Variants in AMBRA1 observed in about 807,000 individuals in gnomAD.
AMBRA1 encodes autophagy and beclin 1 regulator 1.
In AMBRA1, 47 loss-of-function variants were observed where a neutral mutation model predicts 125.4. The ratio of observed to expected loss-of-function variants is 0.37; its 90% CI spans 0.30 to 0.48. The LOEUF is 0.48. Ranked by LOEUF, AMBRA1 falls within the 20% of genes least tolerant of loss-of-function variation. AMBRA1 has a pLI of 0.99. For missense variants in AMBRA1, 1,331 were observed against 1,693.4 expected, an observed-to-expected ratio of 0.79 and a Z score of 3.76; for synonymous variants, 626 against 655.5, an observed-to-expected ratio of 0.95 and a Z score of 0.69.
chr11:46,594,016 G>A lies in AMBRA1; in HGVS notation c.-309C>T, dbSNP rs1221993095. 3 of 398,654 alleles carry A rather than the reference G, an allele frequency of 7.5e-6. No individual in the cohort carries two copies. The East Asian group carries it at 1.1e-4, about 14-fold the overall frequency. 24.7% of individuals were successfully genotyped at this position (398,654 alleles called of 1,614,324 possible). On this transcript the variant is annotated 5_prime_UTR_variant, in exon 1 of 18. Transcript: ENST00000683756. ...GCCGCCGCCGCTCAGGAGACATCAA[G>A]CAAGAAGACGGCGCAAAAGATCACC... is the stretch of plus-strand genomic sequence containing the variant.
chr11:46,498,648 T>C (rs1227195326), intron 9 of AMBRA1, among the ~76,000 whole-genome samples: 1 of 152,076 alleles, frequency 6.6e-6, no homozygotes, highest in African/African-American at 2.4e-5. Flanking sequence ...AGGCTGTAAT[T>C]TGAAGGAATG....
At chr11:46,433,083 T>A (rs927730873) in intron 14 of AMBRA1, among the ~76,000 whole-genome samples, 1 of 152,178 alleles carries the variant, frequency 6.6e-6, no homozygotes, top group Non-Finnish European at 1.5e-5. Flanking sequence ...AAAAAAAACA[T>A]TTCATGGCAT....
chr11:46,487,259 AAAAAT>A (rs761370550), intron 11 of AMBRA1, among the ~76,000 whole-genome samples: 27 of 152,116 alleles, frequency 1.8e-4, no homozygotes, highest in Non-Finnish European at 2.9e-4. Flanking sequence ...CCCCATCTCT[AAAAAT>A]AAAATAAAAA....
At position 46,474,036 on chromosome 11, in the gene AMBRA1, T is replaced by C. The variant is rs529820252; in HGVS notation, c.2521+19572A>G. On this transcript the variant is annotated intron_variant, in intron 11 of 17. Transcript: ENST00000683756. Reference sequence around the variant, plus strand: ...CTTAGTGTAGGACCTACCTAGCACATAGTAGCACTCAAGAAGTATATTCCA... The same window carrying C: ...CTTAGTGTAGGACCTACCTAGCACACAGTAGCACTCAAGAAGTATATTCCA... 2.6e-5 allele frequency among the ~76,000 whole-genome samples: 4 copies of C among 152,278 alleles called. No individual in the cohort carries two copies. The South Asian group carries it at 8.3e-4, about 32-fold the overall frequency.
Position 46,493,707 on chromosome 11 carries a change from G to A in AMBRA1, c.2422C>T (p.Arg808Cys). The A allele has an allele frequency of 2.5e-6, 4 of 1,587,212 alleles. No homozygotes were observed. The highest frequency in any genetic ancestry group is 3.4e-6 in the Non-Finnish European group (4 of 1,172,586). Residue 808 changes from arginine (R) to cysteine (C), a missense_variant and splice_region_variant, in exon 11 of 18, where the codon CGT becomes TGT. By Grantham distance (180) the Arg-to-Cys change is radical (BLOSUM62 -3). Transcript: ENST00000683756. ...GGCAAGTACTCAGGCAGCAAGAAAC[G>A]CCTACAAGAAGGAATCACATGTGAA... ...APSLGRFVPR[R>C]FLLPEYLPYA...
Position 46,547,823 on chromosome 11 carries a change from G to A in AMBRA1, c.188C>T (p.Pro63Leu). 6.2e-7 allele frequency: 1 copy of A among 1,611,218 alleles called. No individual in the cohort carries two copies. The highest frequency in any genetic ancestry group is 1.1e-5 in the South Asian group (1 of 90,632). ...ATAGATAAATACTGAGTACCTGTCT[G>A]GGCTGAAGGCCAATAAGAAGGTAGA... is the stretch of plus-strand genomic sequence containing the variant. Reference protein sequence around the residue: ...PRSTFLLAFSPDRTLLASTHV... With the variant: ...PRSTFLLAFSLDRTLLASTHV... The change falls in exon 3 of 18, where the codon CCA (proline) becomes CTA (leucine). Residue 63 changes from proline to leucine, a missense_variant. Physicochemically the swap from Pro to Leu is moderately conservative, Grantham distance 98. Transcript: ENST00000683756.
At chr11:46,588,689 C>T (rs2044487291) in intron 1 of AMBRA1, among the ~76,000 whole-genome samples, 1 of 150,910 alleles carries the variant, frequency 6.6e-6, no homozygotes, top group Non-Finnish European at 1.5e-5. Context: ...GCAGGAGAAT[C>T]GCTTGAACCC....
In AMBRA1 at chr11:46,543,102, A is replaced by G; in HGVS notation, c.915T>C (p.Leu305=). The G allele has an allele frequency of 6.3e-7, 1 of 1,584,524 alleles. No individual in the cohort carries two copies. Among genetic ancestry groups the G allele is most frequent in the South Asian group, 1.1e-5 (1 of 89,738 alleles). Residue 305 remains leucine (L), a synonymous_variant, in exon 7 of 18, where the codon CTT becomes CTC. Transcript: ENST00000683756. The part of the protein sequence containing the change: ...SYPTAECCQH[L]GILCLCSRCS... Reference sequence around the variant, plus strand: ...AGCGGCTGCAAAGGCACAGGATCCCAAGGTGCTGGCAGCACTCAGCTGTGG... The same window carrying G: ...AGCGGCTGCAAAGGCACAGGATCCCGAGGTGCTGGCAGCACTCAGCTGTGG...
chr11:46,559,298 CAA>C (rs35357993), intron 1 of AMBRA1, among the ~76,000 whole-genome samples: 1 of 141,208 alleles, frequency 7.1e-6, no homozygotes, highest in Admixed American at 7.1e-5. Context: ...GACCCTGTCT[CAA>C]AAAAAAAAAG....
chr11:46,575,503 TTTTC>T (rs2043927662), intron 1 of AMBRA1, among the ~76,000 whole-genome samples: 1 of 148,940 alleles, frequency 6.7e-6, no homozygotes, highest in Admixed American at 6.8e-5. Context: ...AAATTTGTTT[TTTTC>T]TTTCCTTTTT....
intron 12 of AMBRA1, 74 bp downstream of exon 12, chr11:46,443,414 C>T: frequency 8.5e-7 from 1 of 1,177,250 alleles, no homozygotes; most frequent in Non-Finnish European, 1.3e-6. Flanking sequence ...ACCCAGTGCT[C>T]CATGAATTTT....
At chr11:46,483,188 A>G (rs1950139525) in intron 11 of AMBRA1, among the ~76,000 whole-genome samples, 1 of 152,128 alleles carries the variant, frequency 6.6e-6, no homozygotes, top group South Asian at 2.1e-4. Flanking sequence ...ATAGCCCTAT[A>G]ACATGAGAGA....
chr11:46,590,749 A>C lies in AMBRA1; in HGVS notation c.-121+3079T>G, dbSNP rs895967140. Among the ~76,000 whole-genome samples the C allele has an allele frequency of 3.3e-5, 5 of 152,180 alleles. No homozygotes were observed. In the South Asian group the frequency reaches 1.0e-3, roughly 32 times the overall value. ...AACCAAGTAAGTTAAAAGCTGAGTG[A>C]AAATACAAAAAATTAGCCGGGCATG... is the stretch of plus-strand genomic sequence containing the variant. On this transcript the variant is annotated intron_variant, in intron 1 of 17. Transcript: ENST00000683756.
chr11:46,509,826 G>T (rs141397546), intron 8 of AMBRA1, among the ~76,000 whole-genome samples: 2 of 152,184 alleles, frequency 1.3e-5, no homozygotes, highest in African/African-American at 4.8e-5. Flanking sequence ...CATAATGTTT[G>T]AATATAAAAG....
At chr11:46,561,948 T>C (rs908358597) in intron 1 of AMBRA1, among the ~76,000 whole-genome samples, 1 of 152,158 alleles carries the variant, frequency 6.6e-6, no homozygotes, top group Non-Finnish European at 1.5e-5. Context: ...CCAACAAGCA[T>C]TGATTAAGCA....
chr11:46,408,934 A>C (rs1565125855), intron 16 of AMBRA1, among the ~76,000 whole-genome samples: 1 of 152,234 alleles, frequency 6.6e-6, no homozygotes, highest in East Asian at 1.9e-4. Context: ...AGAAACATCC[A>C]ATCTTGCAAC....
chr11:46,585,695 A>AAATATATATATATATATAT (rs1555017410), intron 1 of AMBRA1, among the ~76,000 whole-genome samples: 1 of 22,914 alleles, frequency 4.4e-5, no homozygotes, highest in African/African-American at 1.8e-4. Context: ...AAAAAAAAAA[A>AAATATATATATATATATAT]ATATATATAT....
At chr11:46,468,254 G>A (rs1011026096) in intron 11 of AMBRA1, among the ~76,000 whole-genome samples, 10 of 152,116 alleles carry the variant, frequency 6.6e-5, no homozygotes, top group Admixed American at 6.5e-4. Context: ...GGGAGGGGTG[G>A]CGGGCAGCAT....
At chr11:46,517,148 T>A (rs990506601) in intron 7 of AMBRA1, among the ~76,000 whole-genome samples, 23 of 142,486 alleles carry the variant, frequency 1.6e-4, no homozygotes, top group Admixed American at 1.5e-3. Context: ...CTCAAAAGCT[T>A]TTTTTTTTTT....
Sources: gnomAD v4.1 joint callset for allele counts (sites outside exome capture counted in the v4.1 genomes callset) on GRCh38, gnomAD v4.1.1 for gene constraint, MANE v1.5 for transcripts, NCBI Gene and HGNC (gene_info 2026-07-23, HGNC 2026-07-21) for gene names.